BMPR1A: variants seen among roughly 807,000 people sequenced by gnomAD.
BMPR1A encodes bone morphogenetic protein receptor type-1A.
In BMPR1A, 7 loss-of-function variants were observed where a neutral mutation model predicts 66.0. The ratio of observed to expected loss-of-function variants is 0.11; its 90% confidence interval spans 0.06 to 0.20. BMPR1A has a LOEUF of 0.20. Among genes scored for constraint, BMPR1A ranks in the 10% least tolerant of loss-of-function variants. The pLI is 1.00. For missense variants in BMPR1A, 408 were observed against 669.1 expected, an observed-to-expected ratio of 0.61 and a Z score of 4.31; for synonymous variants, 200 against 229.7, an observed-to-expected ratio of 0.87 and a Z score of 1.17.
At chr10:86,759,407 T>G (rs1449634309) in intron 1 of BMPR1A, among the ~76,000 whole-genome samples, 1 of 151,914 alleles carries the variant, frequency 6.6e-6, no homozygotes, top group Admixed American at 6.5e-5. Context: ...CACGTTTTTT[T>G]GTTTGTTTGT....
downstream of BMPR1A, chr10:86,931,151 G>A (rs1843803506): frequency 6.7e-6 from 1 of 149,272 alleles, no homozygotes; most frequent in African/African-American, 2.5e-5. Flanking sequence ...TGAGGCAGGA[G>A]AATCACTTGA....
chr10:86,789,736 C>A (rs961348192), intron 1 of BMPR1A, among the ~76,000 whole-genome samples: 1 of 149,144 alleles, frequency 6.7e-6, no homozygotes, highest in South Asian at 2.1e-4. Flanking sequence ...CAAACAAACA[C>A]GTAACTAACT....
intron 1 of BMPR1A, among the ~76,000 whole-genome samples, chr10:86,762,192 G>A (rs1451300869): frequency 1.3e-5 from 2 of 152,166 alleles, no homozygotes; most frequent in South Asian, 2.1e-4. Flanking sequence ...ATTAATTGAG[G>A]TTGTCTTTTC....
rs1843664247 is a variant in BMPR1A, at chr10:86,921,504, C to G, written c.1167-16C>G. ...TTTTGGCCCTCAACTTGGACCTTGG[C>G]TTTCTTTTGTTTCAGTGACACAAAT... On this transcript the variant is annotated splice_polypyrimidine_tract_variant and intron_variant, in intron 10 of 12. Transcript: ENST00000372037. 1 of 1,613,720 alleles carries G rather than the reference C, an allele frequency of 6.2e-7. No individual in the cohort carries two copies. Among genetic ancestry groups the G allele is most frequent in the Non-Finnish European group, 8.5e-7 (1 of 1,179,830 alleles).
intron 1 of BMPR1A, among the ~76,000 whole-genome samples, chr10:86,808,414 A>G (rs1461805376): frequency 6.6e-6 from 1 of 151,940 alleles, no homozygotes; most frequent in Non-Finnish European, 1.5e-5. Context: ...TTATATTTTT[A>G]TTTCTTTTAT....
intron 2 of BMPR1A, among the ~76,000 whole-genome samples, chr10:86,848,500 T>A (rs1221050449): frequency 6.6e-6 from 1 of 152,284 alleles, no homozygotes; most frequent in East Asian, 1.9e-4. Context: ...TTGAACTTTC[T>A]AGATAATTTC....
At chr10:86,928,621 TG>T (rs1843779235), downstream of BMPR1A, 1 of 152,130 alleles carries the variant, frequency 6.6e-6, no homozygotes, top group Non-Finnish European at 1.5e-5. Context: ...AAAATTCTAT[TG>T]CCAGACATTA....
At chr10:86,797,476 CCA>C (rs777770383) in intron 1 of BMPR1A, among the ~76,000 whole-genome samples, 19 of 151,946 alleles carry the variant, frequency 1.3e-4, no homozygotes, top group Non-Finnish European at 2.1e-4. Context: ...CGTGATTCGC[CCA>C]CTTCGGCCTC....
At chr10:86,884,787 T>G (rs761924165) in intron 3 of BMPR1A, among the ~76,000 whole-genome samples, 27 of 152,184 alleles carry the variant, frequency 1.8e-4, no homozygotes, top group Non-Finnish European at 3.7e-4. Flanking sequence ...AGTGACATTA[T>G]GGATGACACT....
chr10:86,775,078 A>C (rs1324120326), intron 1 of BMPR1A, among the ~76,000 whole-genome samples: 1 of 152,202 alleles, frequency 6.6e-6, no homozygotes, highest in Non-Finnish European at 1.5e-5. Flanking sequence ...AAAAAGTTGT[A>C]AATATTTGAA....
downstream of BMPR1A, chr10:86,932,805 C>G (rs989601621): frequency 6.6e-6 from 1 of 152,256 alleles, no homozygotes; most frequent in Non-Finnish European, 1.5e-5. Flanking sequence ...CCTCTTCACA[C>G]TGCTTCTGAA....
intron 2 of BMPR1A, 116 bp downstream of exon 2, chr10:86,839,095 A>G (rs1266161679): frequency 6.6e-6 from 1 of 152,200 alleles, no homozygotes; most frequent in Non-Finnish European, 1.5e-5. Context: ...TTGTAACACC[A>G]CAACTTTATA....
Position 86,916,517 on chromosome 10 carries a change from C to T in BMPR1A, c.676-617C>T, listed in dbSNP as rs141433302. Reference sequence around the variant, plus strand: ...GTCAGGTCTTTGCTTGCATCACGTTCGCTGTTGTTCTTTTATCCAAAGCAA... The same window carrying T: ...GTCAGGTCTTTGCTTGCATCACGTTTGCTGTTGTTCTTTTATCCAAAGCAA... On this transcript the variant is annotated intron_variant, in intron 8 of 12. Coordinates refer to ENST00000372037, the MANE Select transcript of BMPR1A (RefSeq NM_004329.3). Among the ~76,000 whole-genome samples the T allele has an allele frequency of 9.8e-5, 15 of 152,318 alleles. No individual in the cohort carries two copies. In the East Asian group the frequency reaches 2.9e-3, roughly 29 times the overall value.
intron 1 of BMPR1A, among the ~76,000 whole-genome samples, chr10:86,824,832 G>A (rs777141004): frequency 7.9e-5 from 12 of 152,008 alleles, no homozygotes; most frequent in Admixed American, 4.6e-4. Context: ...TAAGGTGACC[G>A]GTGGTTATCA....
chr10:86,807,618 A>G (rs927643192), intron 1 of BMPR1A, among the ~76,000 whole-genome samples: 3 of 151,824 alleles, frequency 2.0e-5, no homozygotes, highest in African/African-American at 7.3e-5. Context: ...CCTGGCCTCA[A>G]GCAATTCTCC....
chr10:86,909,374 C>G (rs910079102), intron 7 of BMPR1A, among the ~76,000 whole-genome samples: 1 of 151,996 alleles, frequency 6.6e-6, no homozygotes. Flanking sequence ...GGGTGGATCA[C>G]TTGAGGCCAG....
chr10:86,911,729 A>C (rs867136907), intron 7 of BMPR1A, among the ~76,000 whole-genome samples: 2 of 152,170 alleles, frequency 1.3e-5, no homozygotes, highest in African/African-American at 4.8e-5. Flanking sequence ...CAGCCTGGGC[A>C]ACAGAGCTAG....
chr10:86,877,841 A>G (rs2133331889), intron 3 of BMPR1A, among the ~76,000 whole-genome samples: 1 of 152,334 alleles, frequency 6.6e-6, no homozygotes, highest in East Asian at 1.9e-4. Context: ...AAATCTGTTT[A>G]GATCACACGT....
At chr10:86,862,238 G>A (rs1325031239) in intron 2 of BMPR1A, among the ~76,000 whole-genome samples, 1 of 152,184 alleles carries the variant, frequency 6.6e-6, no homozygotes, top group Admixed American at 6.5e-5. Flanking sequence ...TTTTAAATAG[G>A]GTGGGCAGGA....
Sources: allele counts gnomAD v4.1 joint callset (sites outside exome capture counted in the v4.1 genomes callset), GRCh38; gene constraint gnomAD v4.1.1; transcripts MANE v1.5; gene names NCBI Gene and HGNC (gene_info 2026-07-23, HGNC 2026-07-21).